PGBD5: variants seen among roughly 807,000 people sequenced by gnomAD.
PGBD5 encodes the protein piggyBac transposable element derived 5, also known as piggyBac transposable element-derived protein 5.
PGBD5 carries 14 observed loss-of-function variants against 47.9 expected under a neutral mutation model. The ratio of observed to expected loss-of-function variants is 0.29; its 90% CI spans 0.19 to 0.46. PGBD5 has a LOEUF of 0.46. Ranked by LOEUF, PGBD5 falls within the 20% of genes least tolerant of loss-of-function variation. PGBD5 has a pLI of 1.00. For missense variants in PGBD5, 635 were observed against 716.0 expected, an observed-to-expected ratio of 0.89 and a Z score of 1.29; for synonymous variants, 316 against 306.3, an observed-to-expected ratio of 1.03 and a Z score of -0.33.
At chr1:230,386,794 G>A (rs1656654070) in intron 1 of PGBD5, among the ~76,000 whole-genome samples, 1 of 152,178 alleles carries the variant, frequency 6.6e-6, no homozygotes. Flanking sequence ...TTTGAAATGT[G>A]TTATAAATAT....
At chr1:230,368,271 T>C (rs914988363) in intron 1 of PGBD5, 1 of 1,200,782 alleles carries the variant, frequency 8.3e-7, no homozygotes, top group Middle Eastern at 3.8e-4. Flanking sequence ...CTTAGAAATG[T>C]GTGTTGCTGA....
chr1:230,355,461 T>C lies in PGBD5; in HGVS notation c.759+1433A>G, dbSNP rs189891085. ...ACCCCAGCATGGTCTGAATGTGCTGTTTATTTTTCCCTTGCATCCAGGCAA... is the reference window on the plus strand; with the variant it reads ...ACCCCAGCATGGTCTGAATGTGCTGCTTATTTTTCCCTTGCATCCAGGCAA... On this transcript the variant is annotated intron_variant, in intron 2 of 6. Transcript: ENST00000391860. 3.9e-5 allele frequency among the ~76,000 whole-genome samples: 6 copies of C among 152,380 alleles called. No individual in the cohort carries two copies. In the East Asian group the frequency reaches 1.2e-3, roughly 29 times the overall value.
Position 230,356,882 on chromosome 1 carries a change from C to A in PGBD5, c.759+12G>T. The A allele has an allele frequency of 1.2e-6, 2 of 1,609,774 alleles. No individual in the cohort carries two copies. The highest frequency in any genetic ancestry group is 1.7e-6 in the Non-Finnish European group (2 of 1,177,190). ...CACCTGGACAAGCTCTTACGTCCTG[C>A]GTGGGCCTCACCTGGGTTTGGGAAG... On this transcript the variant is annotated intron_variant, in intron 2 of 6. Coordinates refer to ENST00000391860, the MANE Select transcript of PGBD5 (RefSeq NM_001258311.2).
chr1:230,369,622 C>G (rs61568066), intron 1 of PGBD5, among the ~76,000 whole-genome samples: 103 of 150,706 alleles, frequency 6.8e-4, no homozygotes, highest in African/African-American at 2.3e-3. Context: ...TACTCCGTGT[C>G]TGTGTGTGTG....
rs1656822475 is a variant in PGBD5, at chr1:230,392,811, A to G, written c.331+32787T>C. On this transcript the variant is annotated intron_variant, in intron 1 of 6. Coordinates refer to ENST00000391860, the MANE Select transcript of PGBD5 (RefSeq NM_001258311.2). Reference sequence around the variant, plus strand: ...CCTGGGAAGCTGGAGGGGCTGAGCTAGAAAAGTTCAGCCCAGCAGCATGAA... The same window carrying G: ...CCTGGGAAGCTGGAGGGGCTGAGCTGGAAAAGTTCAGCCCAGCAGCATGAA... 1.3e-5 allele frequency among the ~76,000 whole-genome samples: 2 copies of G among 152,110 alleles called. 1 individual carries two copies. The highest frequency in any genetic ancestry group is 2.9e-5 in the Non-Finnish European group (2 of 68,018).
At chr1:230,388,711 G>A (rs181058958) in intron 1 of PGBD5, among the ~76,000 whole-genome samples, 162 of 152,088 alleles carry the variant, frequency 1.1e-3, no homozygotes, top group African/African-American at 2.1e-3. Flanking sequence ...CACCGCACCC[G>A]GCCTGTTGGC....
chr1:230,398,907 G>T (rs768699407), intron 1 of PGBD5, among the ~76,000 whole-genome samples: 1 of 152,130 alleles, frequency 6.6e-6, no homozygotes, highest in African/African-American at 2.4e-5. Context: ...AAACAGAAGC[G>T]GAAGGGCTGG....
intron 1 of PGBD5, among the ~76,000 whole-genome samples, chr1:230,361,146 A>ATCACCTCCTCCCTC (rs956639246): frequency 6.6e-6 from 1 of 152,138 alleles, no homozygotes; most frequent in African/African-American, 2.4e-5. Flanking sequence ...TGGTCTTCCC[A>ATCACCTCCTCCCTC]TCACCTCCTC....
intron 1 of PGBD5, among the ~76,000 whole-genome samples, chr1:230,413,080 T>C (rs948504632): frequency 2.7e-5 from 4 of 150,270 alleles, no homozygotes; most frequent in Non-Finnish European, 4.4e-5. Context: ...AAAGACATTA[T>C]TCAAGGGCCT....
Position 230,394,326 on chromosome 1 carries a change from T to A in PGBD5, c.331+31272A>T, listed in dbSNP as rs552035650. ...CTGCCCTTCTATTGTGCTACAGGAGTGGCGGTTTTCGAGTATGAGGAGGGG... is the reference window on the plus strand; with the variant it reads ...CTGCCCTTCTATTGTGCTACAGGAGAGGCGGTTTTCGAGTATGAGGAGGGG... On this transcript the variant is annotated intron_variant, in intron 1 of 6. Transcript: ENST00000391860. Among the ~76,000 whole-genome samples the A allele has an allele frequency of 1.9e-3, 292 of 151,564 alleles. 1 individual carries two copies. The highest frequency in any genetic ancestry group is 6.8e-3 in the African/African-American group (281 of 41,216).
chr1:230,408,804 G>A (rs1352071860), intron 1 of PGBD5, among the ~76,000 whole-genome samples: 1 of 152,136 alleles, frequency 6.6e-6, no homozygotes, highest in African/African-American at 2.4e-5. Context: ...CTTGTCAGTG[G>A]TTTCTTAGCT....
intron 1 of PGBD5, among the ~76,000 whole-genome samples, chr1:230,414,917 G>C (rs1323592658): frequency 6.6e-6 from 1 of 152,152 alleles, no homozygotes; most frequent in African/African-American, 2.4e-5. Context: ...GAATTCCTGG[G>C]AACACTTATT....
At chr1:230,404,575 A>T (rs1027142162) in intron 1 of PGBD5, among the ~76,000 whole-genome samples, 2 of 146,580 alleles carry the variant, frequency 1.4e-5, no homozygotes, top group Non-Finnish European at 3.0e-5. Flanking sequence ...GTGCTGCTGT[A>T]CTCTAGCCTG....
intron 4 of PGBD5, 134 bp from the exon 5 acceptor site, chr1:230,333,175 A>G (rs558705188): frequency 1.1e-6 from 1 of 873,516 alleles, no homozygotes; most frequent in South Asian, 1.7e-5. Context: ...CAGACCCTCT[A>G]GAGACCCCTC....
At chr1:230,381,124 G>A (rs914709801) in intron 1 of PGBD5, among the ~76,000 whole-genome samples, 2 of 152,192 alleles carry the variant, frequency 1.3e-5, no homozygotes, top group African/African-American at 4.8e-5. Context: ...CTATTGTTTT[G>A]CCCATGTTAT....
chr1:230,403,373 A>G (rs953341363), intron 1 of PGBD5, among the ~76,000 whole-genome samples: 1 of 152,208 alleles, frequency 6.6e-6, no homozygotes, highest in African/African-American at 2.4e-5. Context: ...GTTGAGCCCA[A>G]CATCGCCTCT....
At position 230,314,678 on chromosome 1, in the gene PGBD5, C is replaced by T. The variant is rs1027628949; in HGVS notation, c.*8747G>A. 3.5e-5 allele frequency: 5 copies of T among 143,210 alleles called. No homozygotes were observed. Among genetic ancestry groups the T allele is most frequent in the South Asian group, 2.2e-4 (1 of 4,584 alleles). 8.9% of individuals were successfully genotyped at this position (143,210 alleles called of 1,614,324 possible). A position where few individuals can be genotyped will look rare whatever the true frequency, so the allele number is the denominator to read the frequency against. Reference sequence around the variant, plus strand: ...AATTTGTAAAAATTTATTGCCTTGGCGTAAAGTGACAATCATGCCTTGGCG... The same window carrying T: ...AATTTGTAAAAATTTATTGCCTTGGTGTAAAGTGACAATCATGCCTTGGCG... On this transcript the variant is annotated 3_prime_UTR_variant, in exon 7 of 7. Transcript: ENST00000391860.
intron 1 of PGBD5, among the ~76,000 whole-genome samples, chr1:230,370,689 G>A (rs888228930): frequency 6.6e-6 from 1 of 152,202 alleles, no homozygotes; most frequent in Admixed American, 6.5e-5. Context: ...AAATAGCCCA[G>A]ATGGTCCAGC....
At chr1:230,358,398 G>A (rs917462586) in intron 1 of PGBD5, among the ~76,000 whole-genome samples, 7 of 152,060 alleles carry the variant, frequency 4.6e-5, no homozygotes, top group East Asian at 1.9e-4. Flanking sequence ...TAAGTAAAAC[G>A]CTTTCATCAC....
Sources: gnomAD v4.1 joint callset for allele counts (sites outside exome capture counted in the v4.1 genomes callset) on GRCh38, gnomAD v4.1.1 for gene constraint, MANE v1.5 for transcripts, NCBI Gene and HGNC (gene_info 2026-07-23, HGNC 2026-07-21) for gene names.